The following MECR variants were observed in gnomAD, a reference collection of about 807,000 sequenced individuals.
MECR encodes mitochondrial trans-2-enoyl-CoA reductase.
MECR carries 37 observed loss-of-function variants against 49.1 expected under a neutral mutation model. The observed-to-expected ratio is 0.75, with a 90% CI of 0.58 to 0.99. The LOEUF is 0.99. Among genes scored for constraint, MECR ranks in the 50% least tolerant of loss-of-function variants. The probability of loss-of-function intolerance (pLI) is 0.00; values close to 1 mark genes in which losing one functional copy is unlikely to be tolerated. For synonymous variants in MECR, 198 were observed against 191.1 expected (o/e 1.04, Z -0.30); for missense variants, 470 against 479.6 (o/e 0.98, Z 0.19).
At chr1:29,181,494 C>G in the MECR span, 1 of 604,928 alleles carries the variant, frequency 1.7e-6, no homozygotes, top group African/African-American at 2.0e-5. Flanking sequence ...CCGGGGCCTA[C>G]CCGCGCCCCC....
the MECR span, among the ~76,000 whole-genome samples, chr1:29,182,311 T>G: frequency 1.4e-3 from 214 of 152,286 alleles, 1 homozygote; most frequent in African/African-American, 5.0e-3. Context: ...CTCCTTTATC[T>G]TTTCTGTAAA....
chr1:29,171,739 A>G, the MECR span: 1 of 152,176 alleles, frequency 6.6e-6, no homozygotes, highest in Non-Finnish European at 1.5e-5. Context: ...GCATAAAAAA[A>G]TACTAGAAAC....
intron 1 of MECR, among the ~76,000 whole-genome samples, chr1:29,225,619 C>A (rs1006811570): frequency 1.3e-5 from 2 of 152,152 alleles, no homozygotes; most frequent in African/African-American, 4.8e-5. Context: ...TACATGCTGG[C>A]CAACTTACTA....
chr1:29,218,257 G>A (rs1679950881), intron 1 of MECR, among the ~76,000 whole-genome samples: 1 of 152,192 alleles, frequency 6.6e-6, no homozygotes, highest in South Asian at 2.1e-4. Context: ...TTTAAAAAAG[G>A]AGCTCTGCCA....
At chr1:29,205,969 T>G (rs953222938) in intron 4 of MECR, among the ~76,000 whole-genome samples, 1 of 152,180 alleles carries the variant, frequency 6.6e-6, no homozygotes, top group African/African-American at 2.4e-5. Context: ...AGGCTCTGCT[T>G]TCAGAGAAAC....
chr1:29,185,489 C>T, the MECR span, among the ~76,000 whole-genome samples: 1 of 152,156 alleles, frequency 6.6e-6, no homozygotes, highest in Non-Finnish European at 1.5e-5. Context: ...GATCCCCGCT[C>T]ACTGCAACCT....
At chr1:29,205,470 C>T (rs540913530) in intron 4 of MECR, among the ~76,000 whole-genome samples, 3 of 151,646 alleles carry the variant, frequency 2.0e-5, no homozygotes, top group Non-Finnish European at 2.9e-5. Flanking sequence ...AGGCATGAGA[C>T]ACCATGCCTG....
At position 29,203,198 on chromosome 1, in the gene MECR, C is replaced by A. The variant is rs1490783454; in HGVS notation, c.586G>T (p.Val196Leu). Residue 196 changes from valine to leucine, a missense_variant, in exon 5 of 10, where the codon GTG becomes TTG. Transcript: ENST00000263702. Reference protein sequence around the residue: ...SVIQNASNSGVGQAVIQIAAA... With the variant: ...SVIQNASNSGLGQAVIQIAAA... ...GCGATCTGGATGACTGCTTGCCCCACTCCGCTGTTGGATGCATTCTGGATG... is the reference window on the plus strand; with the variant it reads ...GCGATCTGGATGACTGCTTGCCCCAATCCGCTGTTGGATGCATTCTGGATG... 2.5e-6 allele frequency: 4 copies of A among 1,584,062 alleles called. No homozygotes were observed. Among genetic ancestry groups the A allele is most frequent in the Non-Finnish European group, 3.4e-6 (4 of 1,161,362 alleles).
the MECR span, among the ~76,000 whole-genome samples, chr1:29,179,948 C>T: frequency 2.0e-5 from 3 of 152,230 alleles, no homozygotes; most frequent in Admixed American, 2.0e-4. Flanking sequence ...TTCCTGCACA[C>T]TATCACCTGA....
chr1:29,219,272 T>C (rs1321652991), intron 1 of MECR, among the ~76,000 whole-genome samples: 5 of 152,248 alleles, frequency 3.3e-5, no homozygotes, highest in Admixed American at 1.3e-4. Flanking sequence ...TTATCCACAG[T>C]GCTTCTCTCC....
the MECR span, among the ~76,000 whole-genome samples, chr1:29,176,235 G>C: frequency 6.6e-6 from 1 of 151,986 alleles, no homozygotes; most frequent in Admixed American, 6.6e-5. Flanking sequence ...CTGGGCGACA[G>C]AGCAAGACTC....
At chr1:29,178,098 C>T in the MECR span, among the ~76,000 whole-genome samples, 1 of 151,884 alleles carries the variant, frequency 6.6e-6, no homozygotes, top group South Asian at 2.1e-4. Flanking sequence ...TGGGGTTTCA[C>T]CATGTTGGCC....
At chr1:29,205,100 G>A (rs1676260996) in intron 4 of MECR, among the ~76,000 whole-genome samples, 1 of 152,230 alleles carries the variant, frequency 6.6e-6, no homozygotes, top group South Asian at 2.1e-4. Flanking sequence ...AATGCCCTTA[G>A]GGCGACCCTT....
At chr1:29,208,834 T>C (rs1372164670) in intron 3 of MECR, among the ~76,000 whole-genome samples, 4 of 152,196 alleles carry the variant, frequency 2.6e-5, no homozygotes, top group African/African-American at 7.2e-5. Flanking sequence ...TGATAAATTA[T>C]AAAGAGACAG....
chr1:29,212,506 C>G (rs770243182), intron 3 of MECR, among the ~76,000 whole-genome samples: 2 of 152,184 alleles, frequency 1.3e-5, no homozygotes, highest in Non-Finnish European at 2.9e-5. Context: ...GTACAATTAC[C>G]CATACACCTG....
chr1:29,174,675 G>GT, the MECR span, among the ~76,000 whole-genome samples: 17,550 of 130,660 alleles, frequency 0.13, 1,638 homozygotes, highest in East Asian at 0.4. Flanking sequence ...CAGGAGATAG[G>GT]TTTTTTTTTT....
At chr1:29,202,885 G>A (rs1452913603) in intron 5 of MECR, among the ~76,000 whole-genome samples, 1 of 152,160 alleles carries the variant, frequency 6.6e-6, no homozygotes, top group Non-Finnish European at 1.5e-5. Context: ...TATTCAGTAA[G>A]GGCAGTCTCC....
At chr1:29,181,880 C>T in the MECR span, 3 of 642,328 alleles carry the variant, frequency 4.7e-6, no homozygotes, top group South Asian at 1.1e-4. Context: ...AGCCGAACCC[C>T]GGCGACGTAC....
intron 1 of MECR, among the ~76,000 whole-genome samples, chr1:29,227,556 C>G (rs1285406461): frequency 6.6e-6 from 1 of 152,204 alleles, no homozygotes; most frequent in Admixed American, 6.5e-5. Context: ...CAGGAGAAAC[C>G]TGGAGGCCTC....
Sources: gnomAD v4.1 joint callset for allele counts (sites outside exome capture counted in the v4.1 genomes callset) on GRCh38, gnomAD v4.1.1 for gene constraint, MANE v1.5 for transcripts, NCBI Gene and HGNC (gene_info 2026-07-23, HGNC 2026-07-21) for gene names.